BCAR3: variants seen among roughly 807,000 people sequenced by gnomAD.
BCAR3 encodes the protein BCAR3 adaptor protein, NSP family member.
In BCAR3, 37 loss-of-function variants were observed where a neutral mutation model predicts 80.1. The observed-to-expected ratio is 0.46, with a 90% CI of 0.36 to 0.61. The LOEUF is 0.61. Ranked by LOEUF, BCAR3 falls within the 20% of genes least tolerant of loss-of-function variation. The probability of loss-of-function intolerance (pLI) is 0.00; values close to 1 mark genes in which losing one functional copy is unlikely to be tolerated. For missense variants in BCAR3, 978 were observed against 1,068.2 expected, an observed-to-expected ratio of 0.92 and a Z score of 1.18; for synonymous variants, 389 against 418.9, an observed-to-expected ratio of 0.93 and a Z score of 0.87.
At chr1:93,802,912 T>C (rs948024673) in intron 2 of BCAR3, among the ~76,000 whole-genome samples, 1 of 152,132 alleles carries the variant, frequency 6.6e-6, no homozygotes, top group Admixed American at 6.5e-5. Context: ...ACTCCCTCCT[T>C]CTCCTTTGTC....
At chr1:93,717,418 A>G (rs1650225246) in intron 2 of BCAR3, among the ~76,000 whole-genome samples, 1 of 152,252 alleles carries the variant, frequency 6.6e-6, no homozygotes, top group Non-Finnish European at 1.5e-5. Flanking sequence ...CAAGGGCTAC[A>G]TGGAAGTAAG....
At chr1:93,603,608 T>C (rs1415994067) in intron 3 of BCAR3, among the ~76,000 whole-genome samples, 2 of 152,200 alleles carry the variant, frequency 1.3e-5, no homozygotes, top group East Asian at 3.8e-4. Context: ...TCCTAATCCA[T>C]GCACACTTCA....
intron 2 of BCAR3, chr1:93,723,673 G>A (rs1386900716): frequency 1.3e-5 from 2 of 152,116 alleles, no homozygotes; most frequent in African/African-American, 4.8e-5. Context: ...ACAAGACTTG[G>A]GAGGTTGTTC....
intron 2 of BCAR3, among the ~76,000 whole-genome samples, chr1:93,822,287 C>T (rs1654252456): frequency 1.3e-5 from 2 of 151,442 alleles, no homozygotes; most frequent in Admixed American, 1.3e-4. Context: ...AAGCGATTCT[C>T]CTGCCTCAGC....
intron 3 of BCAR3, among the ~76,000 whole-genome samples, chr1:93,688,483 A>G (rs1267602715): frequency 1.3e-5 from 2 of 148,866 alleles, no homozygotes; most frequent in African/African-American, 5.2e-5. Flanking sequence ...GTCTCTGGAT[A>G]GGAATTCCAG....
intron 3 of BCAR3, among the ~76,000 whole-genome samples, chr1:93,703,313 C>T (rs1282295699): frequency 2.0e-5 from 3 of 152,176 alleles, no homozygotes; most frequent in South Asian, 2.1e-4. Flanking sequence ...CAGTGGCTCA[C>T]ACCTGTAATC....
chr1:93,847,054 A>G (rs1440404386), intron 1 of BCAR3: 2 of 231,014 alleles, frequency 8.7e-6, no homozygotes, highest in Admixed American at 7.2e-5. Context: ...CAGGCCCGAG[A>G]GGGGTCGCCG....
At chr1:93,817,518 G>A (rs542567830) in intron 2 of BCAR3, among the ~76,000 whole-genome samples, 98 of 152,286 alleles carry the variant, frequency 6.4e-4, no homozygotes, top group African/African-American at 2.2e-3. Context: ...TGAAAGTTGA[G>A]TGTCGTGACC....
At chr1:93,753,171 C>T (rs896148941) in intron 2 of BCAR3, 1 of 152,230 alleles carries the variant, frequency 6.6e-6, no homozygotes, top group Non-Finnish European at 1.5e-5. Context: ...GAAGAAATAA[C>T]CTCAGAGAGG....
chr1:93,648,017 G>A (rs942898643), intron 2 of BCAR3, among the ~76,000 whole-genome samples: 3 of 151,896 alleles, frequency 2.0e-5, no homozygotes, highest in East Asian at 1.9e-4. Flanking sequence ...CAACTGATCC[G>A]CCCACCTCGG....
In BCAR3 at chr1:93,584,047, G is replaced by T; in HGVS notation, c.1004C>A (p.Ala335Asp). The T allele has an allele frequency of 6.2e-7, 1 of 1,614,128 alleles. No homozygotes were observed. Among genetic ancestry groups the T allele is most frequent in the South Asian group, 1.1e-5 (1 of 91,070 alleles). ...CGGCAGGTAGCTCTCTGACTGGTGG[G>T]CTTTGAGGGACAAGGCTCTTCTGTC... ...MQDRRALSLKAHQSESYLPIG... is the reference protein window; with the variant it reads ...MQDRRALSLKDHQSESYLPIG... The change falls in exon 6 of 12, where the codon GCC becomes GAC. Residue 335 changes from alanine (A) to aspartate (D), a missense_variant. Transcript: ENST00000260502.
In BCAR3 at chr1:93,567,144, A is replaced by G. The variant is rs141822826; in HGVS notation, c.2299+135T>C. On this transcript the variant is annotated intron_variant, in intron 11 of 11. Transcript: ENST00000260502. The stretch of plus-strand genomic sequence containing the variant: ...AATTAAGAGGAAGTAATAACTAGCC[A>G]TATAGGAAATGGAATTCCATTCTTT... 10 of 1,070,806 alleles carry G rather than the reference A, an allele frequency of 9.3e-6. No individual in the cohort carries two copies. In the African/African-American group the frequency reaches 9.5e-5, roughly 10 times the overall value. 66.3% of individuals were successfully genotyped at this position (1,070,806 alleles called of 1,614,324 possible).
In BCAR3 at chr1:93,562,344, C is replaced by T. The variant is rs1313454335; in HGVS notation, c.2375G>A (p.Gly792Asp). 1.2e-6 allele frequency: 2 copies of T among 1,614,128 alleles called. No homozygotes were observed. Among genetic ancestry groups the T allele is most frequent in the Admixed American group, 1.7e-5 (1 of 60,026 alleles). Residue 792 changes from glycine to aspartate, a missense_variant, in exon 12 of 12, where the codon GGT becomes GAT. By Grantham distance (94) the Gly-to-Asp change is moderately conservative. Transcript: ENST00000260502. Reference sequence around the variant, plus strand: ...TCTCTCTGTCTGATTGACTTGTGCACCTTTGCTGCCCCATAGCAATCGCAT... The same window carrying T: ...TCTCTCTGTCTGATTGACTTGTGCATCTTTGCTGCCCCATAGCAATCGCAT... ...FQMRLLWGSK[G>D]AQVNQTERYE...
chr1:93,574,877 G>A (rs1030307421), intron 8 of BCAR3, among the ~76,000 whole-genome samples: 3 of 152,118 alleles, frequency 2.0e-5, no homozygotes, highest in African/African-American at 4.8e-5. Flanking sequence ...AACAAAATCC[G>A]CATGGCCCAC....
chr1:93,728,239 G>A (rs1418570534), intron 2 of BCAR3, among the ~76,000 whole-genome samples: 1 of 152,252 alleles, frequency 6.6e-6, no homozygotes, highest in Non-Finnish European at 1.5e-5. Context: ...CAGGGCGTGT[G>A]ACAGGGGGAG....
At chr1:93,835,502 C>T (rs940565140) in intron 2 of BCAR3, among the ~76,000 whole-genome samples, 6 of 152,224 alleles carry the variant, frequency 3.9e-5, no homozygotes, top group Non-Finnish European at 7.3e-5. Flanking sequence ...GCAAATGGTT[C>T]TTGGACCAAG....
chr1:93,701,399 G>C (rs549187082), intron 3 of BCAR3, among the ~76,000 whole-genome samples: 1 of 152,310 alleles, frequency 6.6e-6, no homozygotes, highest in South Asian at 2.1e-4. Flanking sequence ...TGGAAGTCAG[G>C]GTTCACCAGG....
chr1:93,588,648 T>A (rs1033301251), intron 5 of BCAR3, among the ~76,000 whole-genome samples: 7 of 152,104 alleles, frequency 4.6e-5, no homozygotes, highest in African/African-American at 1.7e-4. Context: ...CTTATGCCCA[T>A]GCTATGCCTC....
chr1:93,847,631 T>G (rs570638631), upstream of BCAR3: 2 of 152,630 alleles, frequency 1.3e-5, no homozygotes, highest in Non-Finnish European at 2.9e-5. Context: ...CATTCAAAGG[T>G]TCCGGGTTCG....
Sources: gnomAD v4.1 joint callset for allele counts (sites outside exome capture counted in the v4.1 genomes callset) on GRCh38, gnomAD v4.1.1 for gene constraint, MANE v1.5 for transcripts, NCBI Gene and HGNC (gene_info 2026-07-23, HGNC 2026-07-21) for gene names.